The following DNAH3 variants were observed in gnomAD, a reference collection of about 807,000 sequenced individuals.
DNAH3 encodes the protein dynein axonemal heavy chain 3.
Under a neutral mutation model 432.5 loss-of-function variants are expected in DNAH3, and 332 were observed. The observed-to-expected ratio is 0.77, with a 90% CI of 0.70 to 0.84. The LOEUF is 0.84. Ranked by LOEUF, DNAH3 falls within the 40% of genes least tolerant of loss-of-function variation. DNAH3 has a pLI of 0.00. For synonymous variants in DNAH3, 1,956 were observed against 1,900.2 expected (o/e 1.03, Z -0.76); for missense variants, 4,861 against 5,114.0 (o/e 0.95, Z 1.51).
chr16:20,970,191 G>A (rs111907003), intron 51 of DNAH3, among the ~76,000 whole-genome samples: 11 of 152,178 alleles, frequency 7.2e-5, no homozygotes, highest in African/African-American at 2.2e-4. Context: ...GCCTTTTGGG[G>A]CTGTGGTCTG....
At chr16:20,995,580 TG>T (rs777589355) in intron 44 of DNAH3, among the ~76,000 whole-genome samples, 2 of 152,214 alleles carry the variant, frequency 1.3e-5, no homozygotes, top group African/African-American at 2.4e-5. Flanking sequence ...GTTTCTTATA[TG>T]TTCAAAAATA....
chr16:21,137,644 A>G (rs927744930), intron 5 of DNAH3, among the ~76,000 whole-genome samples: 14 of 151,838 alleles, frequency 9.2e-5, no homozygotes, highest in African/African-American at 3.4e-4. Context: ...GCTGGTCTCA[A>G]ACTCCTGACC....
chr16:21,116,944 A>T (rs1355900934), intron 12 of DNAH3, among the ~76,000 whole-genome samples: 1 of 152,220 alleles, frequency 6.6e-6, no homozygotes, highest in Non-Finnish European at 1.5e-5. Context: ...TGGCTTCACA[A>T]CTATCAGATA....
At chr16:21,076,802 G>T (rs2090992055) in intron 20 of DNAH3, among the ~76,000 whole-genome samples, 1 of 152,142 alleles carries the variant, frequency 6.6e-6, no homozygotes, top group African/African-American at 2.4e-5. Flanking sequence ...AACAGAGGCT[G>T]CCCTGATTCA....
chr16:21,145,275 G>A (rs1351541350), exon 3 of DNAH3: 2 of 1,614,020 alleles, frequency 1.2e-6, no homozygotes, highest in African/African-American at 1.3e-5. Flanking sequence ...TCAGGTCCTG[G>A]GCCATCAAGG....
chr16:21,118,301 C>T (rs1280029269), intron 11 of DNAH3, among the ~76,000 whole-genome samples: 1 of 152,204 alleles, frequency 6.6e-6, no homozygotes, highest in East Asian at 1.9e-4. Flanking sequence ...CTCTGAATCC[C>T]CATTTTCTCA....
intron 27 of DNAH3, among the ~76,000 whole-genome samples, chr16:21,056,089 G>A (rs748798507): frequency 4.6e-5 from 7 of 152,092 alleles, no homozygotes; most frequent in Admixed American, 6.6e-5. Flanking sequence ...AGGATTAAAT[G>A]AGGTAGTGTA....
At position 20,988,152 on chromosome 16, in the gene DNAH3, TTGCCTTC is replaced by T. The variant is rs2086301983; in HGVS notation, c.6602-94_6602-88del. On this transcript the variant is annotated intron_variant, in intron 44 of 61. Transcript: ENST00000261383. ...ACCCTAGGATGCACACGAGGTGGCTTTGCCTTCTGCCTTCATGTTCCAGAGCTGTGCT... is the reference window on the plus strand; with the variant it reads ...ACCCTAGGATGCACACGAGGTGGCTTTGCCTTCATGTTCCAGAGCTGTGCT... 2.6e-6 allele frequency: 4 copies of T among 1,553,374 alleles called. 1 individual carries two copies. Among genetic ancestry groups the T allele is most frequent in the South Asian group, 2.4e-5 (2 of 83,818 alleles).
At chr16:21,137,936 T>C (rs901344569) in intron 5 of DNAH3, among the ~76,000 whole-genome samples, 1 of 152,090 alleles carries the variant, frequency 6.6e-6, no homozygotes, top group African/African-American at 2.4e-5. Context: ...TTGAAGTCTG[T>C]TTTTAAGTTT....
intron 37 of DNAH3, among the ~76,000 whole-genome samples, chr16:21,027,674 T>C (rs2088642923): frequency 6.6e-6 from 1 of 152,214 alleles, no homozygotes; most frequent in Non-Finnish European, 1.5e-5. Context: ...ACCCTGTCTC[T>C]ACTAAAAATA....
chr16:21,020,706 T>C (rs996852970), intron 40 of DNAH3, among the ~76,000 whole-genome samples: 12 of 152,000 alleles, frequency 7.9e-5, no homozygotes, highest in Non-Finnish European at 1.5e-4. Context: ...ACCCGGCCTT[T>C]ACTGCAATAT....
At chr16:20,947,461 C>T (rs1006488879) in intron 57 of DNAH3, among the ~76,000 whole-genome samples, 1 of 152,130 alleles carries the variant, frequency 6.6e-6, no homozygotes, top group Admixed American at 6.5e-5. Flanking sequence ...AGAACCCCAA[C>T]GTGAAGCTGG....
At chr16:20,984,737 C>A (rs192514044) in intron 48 of DNAH3, among the ~76,000 whole-genome samples, 8 of 151,996 alleles carry the variant, frequency 5.3e-5, no homozygotes, top group African/African-American at 1.9e-4. Context: ...GTGTGGTACG[C>A]GCCTGCAATC....
At chr16:21,080,428 A>C (rs991993711) in intron 20 of DNAH3, among the ~76,000 whole-genome samples, 1 of 152,272 alleles carries the variant, frequency 6.6e-6, no homozygotes, top group African/African-American at 2.4e-5. Context: ...TTTCAATACT[A>C]ATCAGTATTA....
chr16:20,954,916 C>G, exon 55 of DNAH3: 1 of 1,614,136 alleles, frequency 6.2e-7, no homozygotes. Context: ...TTTGGAAGAA[C>G]ACAGGATCTG....
At chr16:20,992,347 T>A (rs1383634059) in intron 44 of DNAH3, among the ~76,000 whole-genome samples, 2 of 152,140 alleles carry the variant, frequency 1.3e-5, no homozygotes, top group Non-Finnish European at 2.9e-5. Flanking sequence ...ATATATTTAT[T>A]TTTATTTTTA....
intron 1 of DNAH3, among the ~76,000 whole-genome samples, chr16:21,147,662 T>C (rs902493654): frequency 6.6e-6 from 1 of 152,210 alleles, no homozygotes; most frequent in African/African-American, 2.4e-5. Context: ...ATGTGGGTGT[T>C]GAGTACTCCA....
intron 1 of DNAH3, among the ~76,000 whole-genome samples, chr16:21,149,334 T>G (rs1211656729): frequency 2.0e-5 from 3 of 152,218 alleles, no homozygotes; most frequent in Non-Finnish European, 2.9e-5. Context: ...GGCTTAGTTA[T>G]TATCTACAAA....
intron 44 of DNAH3, among the ~76,000 whole-genome samples, chr16:20,990,638 A>AACAT (rs1567599546): frequency 6.6e-6 from 1 of 152,148 alleles, no homozygotes; most frequent in African/African-American, 2.4e-5. Context: ...TTACAGGTAA[A>AACAT]AGATACAGAA....
Sources: gnomAD v4.1 joint callset for allele counts (sites outside exome capture counted in the v4.1 genomes callset) on GRCh38, gnomAD v4.1.1 for gene constraint, MANE v1.5 for transcripts, NCBI Gene and HGNC (gene_info 2026-07-23, HGNC 2026-07-21) for gene names.